LRIG3: variants seen among roughly 807,000 people sequenced by gnomAD.
LRIG3 encodes leucine-rich repeats and immunoglobulin-like domains protein 3.
Under a neutral mutation model 114.5 loss-of-function variants are expected in LRIG3, and 76 were observed. The observed-to-expected ratio is 0.66, with a 90% CI of 0.55 to 0.80. The LOEUF is 0.80. Ranked by LOEUF, LRIG3 falls within the 30% of genes least tolerant of loss-of-function variation. The pLI is 0.00. For synonymous variants in LRIG3, 512 were observed against 519.8 expected (o/e 0.98, Z 0.20); for missense variants, 1,239 against 1,382.8 (o/e 0.90, Z 1.65).
chr12:58,915,318 A>G (rs1427757290), intron 1 of LRIG3, among the ~76,000 whole-genome samples: 1 of 152,230 alleles, frequency 6.6e-6, no homozygotes, highest in Non-Finnish European at 1.5e-5. Context: ...TCCAACCCAT[A>G]CTAATTTTTT....
At chr12:58,896,840 C>A (rs1023433571) in intron 3 of LRIG3, among the ~76,000 whole-genome samples, 1 of 152,134 alleles carries the variant, frequency 6.6e-6, no homozygotes, top group Non-Finnish European at 1.5e-5. Context: ...TCAAGCCTGG[C>A]CCCAAGGAAA....
intron 3 of LRIG3, among the ~76,000 whole-genome samples, chr12:58,894,824 T>C (rs558622386): frequency 1.7e-4 from 26 of 152,364 alleles, no homozygotes; most frequent in Non-Finnish European, 2.4e-4. Flanking sequence ...TTCAGTCTTG[T>C]ACAAATCCAT....
rs1304291882 is a variant in LRIG3, at chr12:58,897,639, C to CA, written c.384-6844dup. On this transcript the variant is annotated intron_variant, in intron 3 of 18. Coordinates refer to ENST00000320743, the MANE Select transcript of LRIG3 (RefSeq NM_153377.5). Reference sequence around the variant, plus strand: ...AATAAGTCAAAAGCCCCATTCACACCACATACAAAACAGCCCTTCTTTGAT... The same window carrying CA: ...AATAAGTCAAAAGCCCCATTCACACCAACATACAAAACAGCCCTTCTTTGAT... 2.0e-5 allele frequency among the ~76,000 whole-genome samples: 3 copies of CA among 152,248 alleles called. No homozygotes were observed. In the East Asian group the frequency reaches 5.8e-4, roughly 29 times the overall value.
At chr12:58,904,893 T>C (rs997323196) in intron 3 of LRIG3, among the ~76,000 whole-genome samples, 1 of 152,032 alleles carries the variant, frequency 6.6e-6, no homozygotes, top group African/African-American at 2.4e-5. Context: ...GAATAACAAA[T>C]AGATGAGTAA....
chr12:58,880,607 G>C lies in LRIG3; in HGVS notation c.1775C>G (p.Ser592Cys). The C allele has an allele frequency of 6.2e-7, 1 of 1,613,808 alleles. No individual in the cohort carries two copies. ...ATTTACTGTAAGCTTGGCTTTGACA[G>C]AGTAGGATGAACCAAAGTGATTGGA... ...VISNHFGSSY[S>C]VKAKLTVNML... Residue 592 changes from serine (S) to cysteine (C), a missense_variant, in exon 13 of 19, where the codon TCT becomes TGT. By Grantham distance (112) the Ser-to-Cys change is moderately radical. Coordinates refer to ENST00000320743, the MANE Select transcript of LRIG3 (RefSeq NM_153377.5).
At chr12:58,893,412 C>T (rs867466255) in intron 3 of LRIG3, among the ~76,000 whole-genome samples, 10 of 152,100 alleles carry the variant, frequency 6.6e-5, no homozygotes, top group Admixed American at 3.9e-4. Flanking sequence ...AAAAAAGAGA[C>T]GATTCAGCAG....
chr12:58,876,047 G>A (rs916948884), intron 16 of LRIG3, among the ~76,000 whole-genome samples: 10 of 152,144 alleles, frequency 6.6e-5, no homozygotes, highest in Non-Finnish European at 1.0e-4. Flanking sequence ...GCGAGACTTC[G>A]TCTCAAATAA....
chr12:58,906,024 T>A (rs1353731639), intron 3 of LRIG3, among the ~76,000 whole-genome samples: 1 of 152,144 alleles, frequency 6.6e-6, no homozygotes, highest in East Asian at 1.9e-4. Context: ...AAACAGCCCA[T>A]TCATCTGCAT....
chr12:58,909,646 C>G (rs2120974500), intron 3 of LRIG3, among the ~76,000 whole-genome samples: 1 of 152,310 alleles, frequency 6.6e-6, no homozygotes, highest in East Asian at 1.9e-4. Flanking sequence ...ACCTGTATTC[C>G]CTGTATCTTC....
At chr12:58,919,843 T>A (rs1023108126) in intron 1 of LRIG3, among the ~76,000 whole-genome samples, 157 bp downstream of exon 1, 29 of 152,154 alleles carry the variant, frequency 1.9e-4, no homozygotes, top group African/African-American at 7.0e-4. Context: ...CCCGGACAGT[T>A]CTTTTTCCAC....
chr12:58,905,845 C>T (rs1872045196), intron 3 of LRIG3, among the ~76,000 whole-genome samples: 1 of 152,194 alleles, frequency 6.6e-6, no homozygotes, highest in Non-Finnish European at 1.5e-5. Context: ...GCCCATCAAC[C>T]TTGGACTTCT....
chr12:58,917,326 C>A (rs1335638042), intron 1 of LRIG3, among the ~76,000 whole-genome samples: 2 of 152,230 alleles, frequency 1.3e-5, no homozygotes, highest in East Asian at 1.9e-4. Context: ...AATTTAGCAA[C>A]TTTTCCGTCT....
chr12:58,877,374 C>T (rs1360876486), intron 15 of LRIG3, 26 bp downstream of exon 15: 1 of 1,605,454 alleles, frequency 6.2e-7, no homozygotes, highest in Non-Finnish European at 8.5e-7. Context: ...ACTCCGGTGA[C>T]CTGTGCCAAG....
At position 58,883,104 on chromosome 12, in the gene LRIG3, A is replaced by T; in HGVS notation, c.1317-72T>A. The T allele has an allele frequency of 2.8e-6, 4 of 1,424,726 alleles. No homozygotes were observed. The South Asian group carries it at 5.5e-5, about 20-fold the overall frequency. 88.3% of individuals were successfully genotyped at this position (1,424,726 alleles called of 1,614,324 possible). ...TTCTACAAGTAAACTAAACCCAAGT[A>T]AATATTAACAAAGCAATGAATTTGG... is the stretch of plus-strand genomic sequence containing the variant. On this transcript the variant is annotated intron_variant, in intron 11 of 18. Transcript: ENST00000320743.
chr12:58,899,042 G>A (rs1871747377), intron 3 of LRIG3, among the ~76,000 whole-genome samples: 1 of 152,186 alleles, frequency 6.6e-6, no homozygotes. Flanking sequence ...CCAGTGTTTT[G>A]TAAACTTTAG....
At chr12:58,901,413 C>T (rs953067422) in intron 3 of LRIG3, among the ~76,000 whole-genome samples, 2 of 152,124 alleles carry the variant, frequency 1.3e-5, no homozygotes, top group African/African-American at 2.4e-5. Context: ...TGTGATGGAG[C>T]GGACTTTAAG....
intron 10 of LRIG3, among the ~76,000 whole-genome samples, chr12:58,884,664 T>G (rs1237182731): frequency 1.3e-5 from 2 of 152,212 alleles, no homozygotes; most frequent in Non-Finnish European, 2.9e-5. Context: ...CCGCACTCAC[T>G]GTCTGGGTGG....
chr12:58,896,866 A>T (rs1041443944), intron 3 of LRIG3, among the ~76,000 whole-genome samples: 1 of 152,238 alleles, frequency 6.6e-6, no homozygotes, highest in Non-Finnish European at 1.5e-5. Flanking sequence ...ATTTCTATAT[A>T]TAACTTGCAA....
intron 12 of LRIG3, among the ~76,000 whole-genome samples, chr12:58,882,273 C>G (rs1295574424): frequency 9.2e-5 from 14 of 152,198 alleles, no homozygotes; most frequent in Non-Finnish European, 1.3e-4. Context: ...AAAGTTACAC[C>G]AGAGATGAAA....
Sources: gnomAD v4.1 joint callset for allele counts (sites outside exome capture counted in the v4.1 genomes callset) on GRCh38, gnomAD v4.1.1 for gene constraint, MANE v1.5 for transcripts, NCBI Gene and HGNC (gene_info 2026-07-23, HGNC 2026-07-21) for gene names.